The following DLGAP1 variants were observed in gnomAD, a reference collection of about 807,000 sequenced individuals.
DLGAP1 encodes the protein DLG associated protein 1.
A neutral mutation model predicts 90.8 loss-of-function variants in DLGAP1; 11 were observed. The ratio of observed to expected loss-of-function variants is 0.12; its 90% CI spans 0.08 to 0.20. DLGAP1 has a LOEUF of 0.20. DLGAP1 is among the 10% of genes least tolerant of loss of function. DLGAP1 has a pLI of 1.00. For missense variants in DLGAP1, 1,050 were observed against 1,333.8 expected (o/e 0.79, Z 3.31); for synonymous variants, 558 against 540.7 (o/e 1.03, Z -0.44).
At chr18:4,453,811 G>C (rs768407884) in intron 1 of DLGAP1, among the ~76,000 whole-genome samples, 3 of 152,138 alleles carry the variant, frequency 2.0e-5, no homozygotes, top group African/African-American at 7.2e-5. Context: ...CACCTCCCAC[G>C]ACCGGGAGTC....
intron 5 of DLGAP1, among the ~76,000 whole-genome samples, chr18:3,765,621 G>A (rs1458438809): frequency 6.6e-6 from 1 of 151,938 alleles, no homozygotes; most frequent in Admixed American, 6.6e-5. Context: ...ATCACCTGAG[G>A]TCAGGAGTTC....
chr18:3,848,222 G>A (rs1429520371), intron 4 of DLGAP1, among the ~76,000 whole-genome samples: 1 of 144,106 alleles, frequency 6.9e-6, no homozygotes, highest in Non-Finnish European at 1.5e-5. Flanking sequence ...ATAGAATGAG[G>A]AAAATCCCAA....
intron 3 of DLGAP1, chr18:3,993,352 A>G (rs145779344): frequency 1.3e-5 from 2 of 152,330 alleles, no homozygotes; most frequent in East Asian, 3.9e-4. Flanking sequence ...CAGCGCAGCA[A>G]ATTCTCATTG....
intron 1 of DLGAP1, among the ~76,000 whole-genome samples, chr18:4,440,120 CAAAAAAAAAAAAAAA>C (rs35152199): frequency 6.1e-5 from 3 of 49,354 alleles, no homozygotes; most frequent in Non-Finnish European, 1.1e-4. Context: ...ACTCCGTCAC[CAAAAAAAAAAAAAAA>C]AAAAAAAAAT....
chr18:4,367,004 CAAAAAAAA>C (rs67286288), intron 1 of DLGAP1, among the ~76,000 whole-genome samples: 723 of 60,746 alleles, frequency 0.012, 10 homozygotes, highest in African/African-American at 0.036. Context: ...CTGTCAATGG[CAAAAAAAA>C]AAAAAAAAAA....
At chr18:3,555,667 G>A (rs1429217519) in intron 9 of DLGAP1, among the ~76,000 whole-genome samples, 2 of 152,184 alleles carry the variant, frequency 1.3e-5, no homozygotes, top group South Asian at 2.1e-4. Flanking sequence ...AAAATTAGCC[G>A]GGTGTAGTGG....
At chr18:3,509,424 CTG>C (rs1319783114) in intron 10 of DLGAP1, among the ~76,000 whole-genome samples, 6 of 152,206 alleles carry the variant, frequency 3.9e-5, no homozygotes, top group African/African-American at 1.4e-4. Flanking sequence ...TTTCAGCTGC[CTG>C]CAGGCGTGCT....
chr18:4,442,722 G>A (rs146546623), intron 1 of DLGAP1, among the ~76,000 whole-genome samples: 1 of 152,162 alleles, frequency 6.6e-6, no homozygotes, highest in Admixed American at 6.5e-5. Flanking sequence ...CATATACCAG[G>A]AATCTATCAG....
chr18:3,800,655 G>C (rs1308662830), intron 5 of DLGAP1, among the ~76,000 whole-genome samples: 1 of 152,092 alleles, frequency 6.6e-6, no homozygotes, highest in Admixed American at 6.5e-5. Flanking sequence ...AGGGAATGAA[G>C]AGGGGAGGGG....
intron 1 of DLGAP1, among the ~76,000 whole-genome samples, chr18:4,422,455 T>C (rs963670197): frequency 6.6e-6 from 1 of 151,936 alleles, no homozygotes; most frequent in Admixed American, 6.6e-5. Flanking sequence ...TTTTTACCTA[T>C]GGGTTTAAAT....
intron 7 of DLGAP1, among the ~76,000 whole-genome samples, chr18:3,705,537 C>T (rs1054767519): frequency 6.6e-6 from 1 of 151,724 alleles, no homozygotes; most frequent in Non-Finnish European, 1.5e-5. Flanking sequence ...CATCAGACCC[C>T]AAGGAGCATT....
chr18:4,114,816 C>T lies in DLGAP1; in HGVS notation c.-159+36364G>A, dbSNP rs8091339. On this transcript the variant is annotated intron_variant, in intron 2 of 12. Coordinates refer to ENST00000315677, the MANE Select transcript of DLGAP1 (RefSeq NM_004746.4). ...GTTTGCATGGTATATCTTTTTCTAT[C>T]ATTTTACTTTCAACCTACTTGTATA... is the stretch of plus-strand genomic sequence containing the variant. Among the ~76,000 whole-genome samples, 693 of 152,170 alleles carry T rather than the reference C, an allele frequency of 4.6e-3. 4 individuals are homozygous for T. The highest frequency in any genetic ancestry group is 0.025 in the South Asian group (122 of 4,820).
At chr18:3,681,705 A>G (rs1467125174) in intron 7 of DLGAP1, among the ~76,000 whole-genome samples, 2 of 152,122 alleles carry the variant, frequency 1.3e-5, no homozygotes, top group African/African-American at 4.8e-5. Context: ...TGTAATCCCC[A>G]ATGTTGAAGG....
chr18:4,133,409 C>G (rs1465744900), intron 2 of DLGAP1, among the ~76,000 whole-genome samples: 1 of 152,192 alleles, frequency 6.6e-6, no homozygotes, highest in Non-Finnish European at 1.5e-5. Flanking sequence ...GCCTGTTTCT[C>G]CAGTCCCTGC....
At chr18:3,977,046 C>T (rs1301882340) in intron 3 of DLGAP1, among the ~76,000 whole-genome samples, 1 of 152,024 alleles carries the variant, frequency 6.6e-6, no homozygotes, top group East Asian at 1.9e-4. Flanking sequence ...TTGTTAATAG[C>T]TTTGATTGAT....
In DLGAP1 at chr18:3,809,306, G is replaced by T. The variant is rs138120989; in HGVS notation, c.1172+4753C>A. The stretch of plus-strand genomic sequence containing the variant: ...GACTGAGACTCTCATTTACGAGGAG[G>T]TTCAGAGACATTAATCAATTTGCCA... On this transcript the variant is annotated intron_variant, in intron 5 of 12. Transcript: ENST00000315677. 3.9e-3 allele frequency among the ~76,000 whole-genome samples: 597 copies of T among 152,292 alleles called. 6 individuals carry two copies. Among genetic ancestry groups the T allele is most frequent in the African/African-American group, 0.013 (558 of 41,546 alleles).
intron 5 of DLGAP1, among the ~76,000 whole-genome samples, chr18:3,782,495 G>C (rs2065246767): frequency 6.6e-6 from 1 of 152,214 alleles, no homozygotes; most frequent in Non-Finnish European, 1.5e-5. Flanking sequence ...ATCATGTGAA[G>C]AGAGACTTTG....
intron 1 of DLGAP1, among the ~76,000 whole-genome samples, chr18:4,220,546 A>T (rs1336107241): frequency 1.3e-5 from 2 of 152,106 alleles, no homozygotes; most frequent in Non-Finnish European, 2.9e-5. Context: ...CAATTTGACT[A>T]TATTTTTATT....
In DLGAP1 at chr18:4,098,102, C is replaced by G. The variant is rs118160903; in HGVS notation, c.-159+53078G>C. Among the ~76,000 whole-genome samples the G allele has an allele frequency of 2.5e-3, 382 of 152,180 alleles. 2 individuals carry two copies. In the South Asian group the frequency reaches 0.027, roughly 11 times the overall value. ...CTAATCTCTTTTGTATTTGTAGAGA[C>G]GGGATTTTGCCATGTTGCCTAGGCT... On this transcript the variant is annotated intron_variant, in intron 2 of 12. Coordinates refer to ENST00000315677, the MANE Select transcript of DLGAP1 (RefSeq NM_004746.4).
Sources: gnomAD v4.1 joint callset for allele counts (sites outside exome capture counted in the v4.1 genomes callset) on GRCh38, gnomAD v4.1.1 for gene constraint, MANE v1.5 for transcripts, NCBI Gene and HGNC (gene_info 2026-07-23, HGNC 2026-07-21) for gene names.